Variants in SLC35A3 observed in about 807,000 individuals in gnomAD.
SLC35A3 encodes solute carrier family 35 member A3, also known as UDP-N-acetylglucosamine transporter.
A neutral mutation model predicts 39.0 loss-of-function variants in SLC35A3; 26 were observed. That is an observed-to-expected ratio of 0.67 (90% confidence interval 0.49 to 0.92). The LOEUF (loss-of-function observed/expected upper bound fraction) is 0.92, where lower values mean the gene tolerates loss of function less well. Ranked by LOEUF, SLC35A3 falls within the 40% of genes least tolerant of loss-of-function variation. The pLI, the probability that SLC35A3 is intolerant of heterozygous loss-of-function variation, is 0.00. For synonymous variants in SLC35A3, 135 were observed against 133.1 expected (o/e 1.01, Z -0.10); for missense variants, 299 against 371.6 (o/e 0.80, Z 1.61).
chr1:99,976,704 G>A (rs533631075), intron 1 of SLC35A3, among the ~76,000 whole-genome samples: 17 of 152,278 alleles, frequency 1.1e-4, no homozygotes, highest in South Asian at 2.1e-4. Context: ...ATTAATGCAG[G>A]AACAGAAAAC....
intron 3 of SLC35A3, among the ~76,000 whole-genome samples, chr1:100,003,584 A>C (rs927591179): frequency 6.6e-6 from 1 of 152,322 alleles, no homozygotes; most frequent in Admixed American, 6.5e-5. Flanking sequence ...AAGCATGTGC[A>C]TTCTGCAACT....
At chr1:100,004,324 A>G (rs1659043209) in intron 3 of SLC35A3, among the ~76,000 whole-genome samples, 1 of 151,992 alleles carries the variant, frequency 6.6e-6, no homozygotes, top group Admixed American at 6.6e-5. Flanking sequence ...TTTGTTTTTG[A>G]GGCAAGGTCT....
intron 1 of SLC35A3, among the ~76,000 whole-genome samples, chr1:99,974,047 T>C (rs953997615): frequency 1.5e-4 from 23 of 151,874 alleles, no homozygotes; most frequent in Middle Eastern, 3.2e-3. Context: ...AGCTGAAACT[T>C]TGAAGTCATG....
At chr1:99,992,353 C>G (rs756975183) in intron 1 of SLC35A3, among the ~76,000 whole-genome samples, 6 of 151,498 alleles carry the variant, frequency 4.0e-5, no homozygotes, top group Non-Finnish European at 5.9e-5. Context: ...CTTATGTAAC[C>G]CATTTTGGCT....
intron 3 of SLC35A3, 143 bp from the exon 4 acceptor site, chr1:100,006,891 C>T (rs1343188512): frequency 2.3e-5 from 21 of 926,926 alleles, no homozygotes; most frequent in Non-Finnish European, 2.9e-5. Flanking sequence ...CTGGCATTAA[C>T]TGAAGCTTTA....
intron 1 of SLC35A3, among the ~76,000 whole-genome samples, chr1:99,991,868 C>T (rs767840483): frequency 5.3e-5 from 8 of 152,154 alleles, no homozygotes; most frequent in Non-Finnish European, 8.8e-5. Context: ...CCTGCCTCAG[C>T]CTCACGAGCA....
At chr1:99,988,025 A>G (rs1361808504) in intron 1 of SLC35A3, among the ~76,000 whole-genome samples, 1 of 152,214 alleles carries the variant, frequency 6.6e-6, no homozygotes, top group Non-Finnish European at 1.5e-5. Flanking sequence ...AATAAAATGT[A>G]CCCATTGAAT....
intron 1 of SLC35A3, among the ~76,000 whole-genome samples, chr1:99,990,427 A>G (rs1352312048): frequency 6.6e-6 from 1 of 152,070 alleles, no homozygotes; most frequent in Non-Finnish European, 1.5e-5. Flanking sequence ...TACAAAAATT[A>G]GCTGGGTGTG....
intron 1 of SLC35A3, among the ~76,000 whole-genome samples, chr1:99,977,362 A>C (rs12131738): frequency 1.4e-4 from 18 of 128,992 alleles, no homozygotes; most frequent in Non-Finnish European, 4.9e-5. Flanking sequence ...TATTAAAAAT[A>C]CCAAAAAAAA....
chr1:100,012,421 T>A (rs1659735040), intron 5 of SLC35A3, among the ~76,000 whole-genome samples: 1 of 151,484 alleles, frequency 6.6e-6, no homozygotes, highest in Non-Finnish European at 1.5e-5. Flanking sequence ...TCTTATTATT[T>A]GGTGACTTCA....
intron 6 of SLC35A3, 93 bp from the exon 7 acceptor site, chr1:100,017,589 G>T: frequency 1.3e-6 from 1 of 751,260 alleles, no homozygotes; most frequent in Non-Finnish European, 2.0e-6. Flanking sequence ...TTGAATTTAT[G>T]GGACAAAAGC....
chr1:100,003,438 A>AG (rs1658968834), intron 3 of SLC35A3, among the ~76,000 whole-genome samples: 7 of 148,998 alleles, frequency 4.7e-5, no homozygotes, highest in Admixed American at 1.3e-4. Flanking sequence ...AAAAAAAAAA[A>AG]AGAGAAGAGG....
At chr1:99,991,572 A>G (rs1658086770) in intron 1 of SLC35A3, among the ~76,000 whole-genome samples, 1 of 152,222 alleles carries the variant, frequency 6.6e-6, no homozygotes, top group African/African-American at 2.4e-5. Context: ...TGATTTTAAA[A>G]TAAGCTTGCT....
chr1:100,002,558 A>G (rs1658882484), intron 3 of SLC35A3, among the ~76,000 whole-genome samples: 1 of 150,526 alleles, frequency 6.6e-6, no homozygotes, highest in East Asian at 2.0e-4. Context: ...TTCTTCTTTT[A>G]TTTCATCCTT....
chr1:99,970,781 CTT>C lies in SLC35A3; in HGVS notation c.-19+622_-19+623del, dbSNP rs1186492314. The C allele has an allele frequency of 4.7e-5, 29 of 620,830 alleles. 1 individual carries two copies. The South Asian group carries it at 5.7e-4, about 12-fold the overall frequency. The allele number at this position is 620,830 out of a possible 1,614,324, so 38.5% of individuals were successfully genotyped here. A position where few individuals can be genotyped will look rare whatever the true frequency, so the allele number is the denominator to read the frequency against. On this transcript the variant is annotated intron_variant, in intron 1 of 7. Coordinates refer to ENST00000533028, the MANE Select transcript of SLC35A3 (RefSeq NM_012243.3). ...TAAATGCAGTATTTGAAAATTAAGT[CTT>C]TTCGTTTTTGAAATCAACATTCGAC...
chr1:100,031,861 T>C lies in SLC35A3; in HGVS notation c.*9385T>C, dbSNP rs1198433645. ...ACCACCACCTGCCCCTCAATGGCTT[T>C]TTTATACCAAGAGACTGAAAATGCT... On this transcript the variant is annotated 3_prime_UTR_variant, in exon 8 of 8. Coordinates refer to ENST00000533028, the MANE Select transcript of SLC35A3 (RefSeq NM_012243.3). 6.6e-6 allele frequency: 1 copy of C among 152,210 alleles called. No homozygotes were observed. The highest frequency in any genetic ancestry group is 1.5e-5 in the Non-Finnish European group (1 of 68,072). The allele number at this position is 152,210 out of a possible 1,614,324, so 9.4% of individuals were successfully genotyped here.
rs552183887 is a variant in SLC35A3 at position 99,984,591 on chromosome 1, A to C, written c.-18-8946A>C. 7.9e-5 allele frequency among the ~76,000 whole-genome samples: 12 copies of C among 152,326 alleles called. No individual in the cohort carries two copies. The East Asian group carries it at 2.1e-3, about 27-fold the overall frequency. ...TATAATGACTTCTTTTCCTCTGTCT[A>C]GATACCTAGTAGCAGGATTGCTGGA... On this transcript the variant is annotated intron_variant, in intron 1 of 7. Coordinates refer to ENST00000533028, the MANE Select transcript of SLC35A3 (RefSeq NM_012243.3).
chr1:99,995,404 C>T (rs909877813), intron 2 of SLC35A3, among the ~76,000 whole-genome samples: 1 of 151,994 alleles, frequency 6.6e-6, no homozygotes, highest in East Asian at 1.9e-4. Flanking sequence ...CTGCCCACCT[C>T]GGCCTCCCAA....
chr1:99,970,735 C>A, intron 1 of SLC35A3: 1 of 816,300 alleles, frequency 1.2e-6, no homozygotes, highest in Non-Finnish European at 1.9e-6. Flanking sequence ...TAGTAAAAGA[C>A]GATCTTTTAT....
Sources: allele counts gnomAD v4.1 joint callset (sites outside exome capture counted in the v4.1 genomes callset), GRCh38; gene constraint gnomAD v4.1.1; transcripts MANE v1.5; gene names NCBI Gene and HGNC (gene_info 2026-07-23, HGNC 2026-07-21).